Variants in ZNF226 observed in about 807,000 individuals in gnomAD.
ZNF226 encodes the protein Kruppel-associated box protein.
In ZNF226, 6 loss-of-function variants were observed where a neutral mutation model predicts 11.4. The observed-to-expected ratio is 0.53, with a 90% CI of 0.29 to 1.04. ZNF226 has a LOEUF of 1.04. ZNF226 is among the 50% of genes least tolerant of loss of function. The probability of loss-of-function intolerance (pLI) is 0.08; values close to 1 mark genes in which losing one functional copy is unlikely to be tolerated. For synonymous variants in ZNF226, 350 were observed against 322.8 expected (o/e 1.08, Z -0.90); for missense variants, 1,058 against 956.5 (o/e 1.11, Z -1.40).
the ZNF226 span, among the ~76,000 whole-genome samples, chr19:44,184,537 G>A: frequency 1.4e-4 from 21 of 151,602 alleles, no homozygotes; most frequent in Non-Finnish European, 5.9e-5. Context: ...AGCCGAGATT[G>A]CGCCACTGCA....
the ZNF226 span, among the ~76,000 whole-genome samples, chr19:44,197,402 T>A: frequency 6.6e-6 from 1 of 152,218 alleles, no homozygotes; most frequent in Admixed American, 6.5e-5. Flanking sequence ...AGACTTAAAT[T>A]ATTTTTAAAT....
At chr19:44,191,646 T>G in the ZNF226 span, among the ~76,000 whole-genome samples, 1 of 152,036 alleles carries the variant, frequency 6.6e-6, no homozygotes, top group Non-Finnish European at 1.5e-5. Context: ...CTGCCAAAAA[T>G]GTCAAAATGG....
downstream of ZNF226, among the ~76,000 whole-genome samples, chr19:44,183,176 T>A (rs1049686266): frequency 6.6e-6 from 1 of 152,176 alleles, no homozygotes; most frequent in African/African-American, 2.4e-5. Flanking sequence ...TGATTACTGG[T>A]CACTAGAGCT....
At chr19:44,171,287 G>C (rs1252051086) in intron 3 of ZNF226, among the ~76,000 whole-genome samples, 2 of 152,112 alleles carry the variant, frequency 1.3e-5, no homozygotes, top group Admixed American at 6.6e-5. Flanking sequence ...ATTCAAATAT[G>C]GCACAGTGTG....
the ZNF226 span, among the ~76,000 whole-genome samples, chr19:44,192,550 A>G: frequency 7.0e-6 from 1 of 143,848 alleles, no homozygotes; most frequent in South Asian, 2.1e-4. Flanking sequence ...TCAAAAACCT[A>G]ATTAAAGACA....
In ZNF226 at chr19:44,176,794, G is replaced by T; in HGVS notation, c.1532G>T (p.Ser511Ile). 6.2e-7 allele frequency: 1 copy of T among 1,614,018 alleles called. No individual in the cohort carries two copies. The highest frequency in any genetic ancestry group is 2.2e-5 in the East Asian group (1 of 44,856). ...TACAAATGCAATGAGTGTGGGAAGA[G>T]CTTCAGGAGGAATTCCCATTATCAA... is the stretch of plus-strand genomic sequence containing the variant. ...KPYKCNECGK[S>I]FRRNSHYQVH... The change falls in exon 6 of 6, where the codon AGC (serine) becomes ATC (isoleucine). Residue 511 changes from serine (S) to isoleucine (I), a missense_variant. Coordinates refer to ENST00000337433, the MANE Select transcript of ZNF226 (RefSeq NM_001032373.2).
intron 1 of ZNF226, 83 bp downstream of exon 1, chr19:44,165,225 G>A (rs1245953109): frequency 6.6e-6 from 1 of 152,208 alleles, no homozygotes; most frequent in Non-Finnish European, 1.5e-5. Context: ...GGGAAAAAAA[G>A]GAGTAGCGGC....
intron 5 of ZNF226, chr19:44,174,882 A>C: frequency 8.9e-7 from 1 of 1,129,742 alleles, no homozygotes; most frequent in Non-Finnish European, 1.3e-6. Context: ...ATCAACTTTG[A>C]TTTTTCTCTT....
downstream of ZNF226, chr19:44,177,746 C>A: frequency 6.9e-7 from 1 of 1,456,518 alleles, no homozygotes; most frequent in Non-Finnish European, 9.1e-7. Flanking sequence ...TCAGCCGTAG[C>A]TCCTCATGTC....
rs1970568962 is a variant in ZNF226, at chr19:44,175,201, G to C, written c.236-297G>C. 4.9e-6 allele frequency: 7 copies of C among 1,419,198 alleles called. No individual in the cohort carries two copies. In the East Asian group the frequency reaches 1.8e-4, roughly 36 times the overall value. The allele number at this position is 1,419,198 out of a possible 1,614,324, so 87.9% of individuals were successfully genotyped here. On this transcript the variant is annotated intron_variant, in intron 5 of 5. Coordinates refer to ENST00000337433, the MANE Select transcript of ZNF226 (RefSeq NM_001032373.2). Reference sequence around the variant, plus strand: ...GCACTACAAAATGTTTTTCCTTATTGATACCATATTATGGTAGGAAAGACA... The same window carrying C: ...GCACTACAAAATGTTTTTCCTTATTCATACCATATTATGGTAGGAAAGACA...
chr19:44,170,313 A>G (rs995786122), intron 3 of ZNF226, among the ~76,000 whole-genome samples: 10 of 152,170 alleles, frequency 6.6e-5, no homozygotes, highest in African/African-American at 2.2e-4. Flanking sequence ...AATAGAAATG[A>G]TGGGTGGGCA....
chr19:44,171,945 T>A, intron 3 of ZNF226, 143 bp from the exon 4 acceptor site: 1 of 1,058,952 alleles, frequency 9.4e-7, no homozygotes, highest in Non-Finnish European at 1.4e-6. Flanking sequence ...GGTAAGTCAG[T>A]GTATGGCATT....
At position 44,168,838 on chromosome 19, in the gene ZNF226, A is replaced by G. The variant is rs1159698797; in HGVS notation, c.-46-1197A>G. 3.9e-5 allele frequency among the ~76,000 whole-genome samples: 6 copies of G among 152,018 alleles called. No individual in the cohort carries two copies. In the East Asian group the frequency reaches 7.7e-4, roughly 20 times the overall value. On this transcript the variant is annotated intron_variant, in intron 2 of 5. Transcript: ENST00000337433. Reference sequence around the variant, plus strand: ...TATGTAGCCATCTTATTCCTCACCAAACTCACCAGTTTTTAGCAGCTATTG... The same window carrying G: ...TATGTAGCCATCTTATTCCTCACCAGACTCACCAGTTTTTAGCAGCTATTG...
downstream of ZNF226, among the ~76,000 whole-genome samples, chr19:44,179,295 C>T (rs1361384007): frequency 6.6e-6 from 1 of 152,152 alleles, no homozygotes; most frequent in Non-Finnish European, 1.5e-5. Flanking sequence ...ATTTTTTTCA[C>T]ATTTAACTTC....
At chr19:44,166,964 C>T (rs1243646643) in intron 2 of ZNF226, 2 of 152,172 alleles carry the variant, frequency 1.3e-5, no homozygotes, top group African/African-American at 4.8e-5. Flanking sequence ...CTGACCCTGC[C>T]AGATGTCACA....
chr19:44,176,571 C>T lies in ZNF226; in HGVS notation c.1309C>T (p.His437Tyr). ...GFICSSNLYI[H>Y]QRVHTGEKPY... ...CATTTGTAGCTCAAATCTTTACATTCATCAGAGAGTCCACACAGGAGAAAA... is the reference window on the plus strand; with the variant it reads ...CATTTGTAGCTCAAATCTTTACATTTATCAGAGAGTCCACACAGGAGAAAA... Residue 437 changes from histidine (H) to tyrosine (Y), a missense_variant, in exon 6 of 6, where the codon CAT (histidine) becomes TAT (tyrosine). His to Tyr is a moderately conservative substitution (Grantham distance 83). Coordinates refer to ENST00000337433, the MANE Select transcript of ZNF226 (RefSeq NM_001032373.2). The T allele has an allele frequency of 6.2e-7, 1 of 1,614,138 alleles. No individual in the cohort carries two copies. The highest frequency in any genetic ancestry group is 1.1e-5 in the South Asian group (1 of 91,080).
rs1460105913 is a variant in ZNF226, at chr19:44,177,261, G to A, written c.1999G>A (p.Gly667Arg). The A allele has an allele frequency of 6.2e-7, 1 of 1,614,094 alleles. No individual in the cohort carries two copies. The highest frequency in any genetic ancestry group is 1.3e-5 in the African/African-American group (1 of 74,992). ...TCAAGCCCATCAAAAAGTCCACACT[G>A]GAGATAAGCCATACAAATGTGATGA... is the stretch of plus-strand genomic sequence containing the variant. ...HLQAHQKVHT[G>R]DKPYKCDECG... Residue 667 changes from glycine to arginine, a missense_variant, in exon 6 of 6, where the codon GGA (glycine) becomes AGA (arginine). Physicochemically the swap from Gly to Arg is moderately radical, Grantham distance 125 (BLOSUM62 -2). Transcript: ENST00000337433.
At chr19:44,192,448 A>C in the ZNF226 span, among the ~76,000 whole-genome samples, 1 of 152,188 alleles carries the variant, frequency 6.6e-6, no homozygotes, top group Non-Finnish European at 1.5e-5. Context: ...TCGTTCACTT[A>C]ATCAGAGTGA....
Position 44,177,305 on chromosome 19 carries a change from G to A in ZNF226, c.2043G>A (p.Lys681=). 6.2e-7 allele frequency: 1 copy of A among 1,614,106 alleles called. No individual in the cohort carries two copies. Among genetic ancestry groups the A allele is most frequent in the Non-Finnish European group, 8.5e-7 (1 of 1,179,974 alleles). ...GTGATGAGTGTGGGAAGGGCTTCAA[G>A]TGGAGCTTGAACCTTGACATGCATC... is the stretch of plus-strand genomic sequence containing the variant. ...YKCDECGKGF[K]WSLNLDMHQR... Residue 681 remains lysine (K), a synonymous_variant, in exon 6 of 6, where the codon AAG becomes AAA. Coordinates refer to ENST00000337433, the MANE Select transcript of ZNF226 (RefSeq NM_001032373.2).
Sources: gnomAD v4.1 joint callset for allele counts (sites outside exome capture counted in the v4.1 genomes callset) on GRCh38, gnomAD v4.1.1 for gene constraint, MANE v1.5 for transcripts, NCBI Gene and HGNC (gene_info 2026-07-23, HGNC 2026-07-21) for gene names.